The following SNX8 variants were observed in gnomAD, a reference collection of about 807,000 sequenced individuals.
The protein encoded by SNX8 is sorting nexin 8.
Under a neutral mutation model 51.6 loss-of-function variants are expected in SNX8, and 25 were observed. The observed-to-expected ratio is 0.48, with a 90% CI of 0.35 to 0.68. The LOEUF (loss-of-function observed/expected upper bound fraction) is 0.68, where lower values mean the gene tolerates loss of function less well. SNX8 is among the 30% of genes least tolerant of loss of function. SNX8 has a pLI of 0.00. For missense variants in SNX8, 695 were observed against 624.0 expected (o/e 1.11, Z -1.21); for synonymous variants, 324 against 277.0 (o/e 1.17, Z -1.68).
At chr7:2,341,798 C>A (rs61421694) in intron 1 of SNX8, among the ~76,000 whole-genome samples, 1 of 151,884 alleles carries the variant, frequency 6.6e-6, no homozygotes, top group Non-Finnish European at 1.5e-5. Flanking sequence ...ACCAGCCTGG[C>A]CAACATGGTG....
chr7:2,305,673 T>C (rs1432901492), intron 1 of SNX8, among the ~76,000 whole-genome samples: 1 of 151,846 alleles, frequency 6.6e-6, no homozygotes, highest in Admixed American at 6.6e-5. Context: ...CTGTATTGTA[T>C]TATTTTGTAT....
chr7:2,327,875 CT>C (rs1778655085), intron 1 of SNX8, among the ~76,000 whole-genome samples: 2 of 150,000 alleles, frequency 1.3e-5, no homozygotes, highest in Non-Finnish European at 1.5e-5. Context: ...CTTTTTTTTT[CT>C]TTTCGAAACA....
chr7:2,303,865 C>T (rs368678484), intron 1 of SNX8, among the ~76,000 whole-genome samples: 1 of 151,974 alleles, frequency 6.6e-6, no homozygotes, highest in African/African-American at 2.4e-5. Flanking sequence ...CCTTTGTTCA[C>T]GTGTTTATCT....
intron 1 of SNX8, among the ~76,000 whole-genome samples, chr7:2,353,149 C>T (rs550416890): frequency 2.0e-5 from 3 of 152,150 alleles, no homozygotes; most frequent in South Asian, 2.1e-4. Context: ...ATTAGCTGGG[C>T]ACGGTGGCAC....
chr7:2,347,407 G>C (rs1224745695), intron 1 of SNX8, among the ~76,000 whole-genome samples: 1 of 150,342 alleles, frequency 6.7e-6, no homozygotes, highest in African/African-American at 2.4e-5. Context: ...CTTGAACCTA[G>C]GAGGTGGAGA....
intron 1 of SNX8, chr7:2,354,053 C>G (rs1429458935): frequency 6.6e-6 from 1 of 152,580 alleles, no homozygotes; most frequent in African/African-American, 2.4e-5. Flanking sequence ...CAGCCTCGAG[C>G]TCCACGCGGC....
At chr7:2,276,164 A>G (rs1397759998) in intron 2 of SNX8, among the ~76,000 whole-genome samples, 1 of 152,140 alleles carries the variant, frequency 6.6e-6, no homozygotes, top group Non-Finnish European at 1.5e-5. Context: ...GTAAGACTGG[A>G]CAAAAGGCCA....
chr7:2,304,187 G>C (rs1325470605), intron 1 of SNX8, among the ~76,000 whole-genome samples: 1 of 145,098 alleles, frequency 6.9e-6, no homozygotes, highest in African/African-American at 2.5e-5. Context: ...AAAAAAGAGA[G>C]TTGGGGATCA....
chr7:2,322,087 A>G (rs1778529128), intron 1 of SNX8, among the ~76,000 whole-genome samples: 1 of 152,196 alleles, frequency 6.6e-6, no homozygotes, highest in Admixed American at 6.6e-5. Flanking sequence ...ACGATGGTTA[A>G]TCTGTTTTTT....
chr7:2,295,614 A>C (rs1040905286), intron 1 of SNX8, among the ~76,000 whole-genome samples: 2 of 136,530 alleles, frequency 1.5e-5, no homozygotes, highest in Non-Finnish European at 3.2e-5. Context: ...AAAAAAAAAA[A>C]AAAAGGAAAT....
At chr7:2,279,326 C>T (rs535509034) in intron 1 of SNX8, among the ~76,000 whole-genome samples, 3 of 145,970 alleles carry the variant, frequency 2.1e-5, no homozygotes, top group African/African-American at 5.1e-5. Context: ...ACGGAGTCGA[C>T]GCTGGACTCA....
In SNX8 at chr7:2,278,096, T is replaced by C. The variant is rs1795824168; in HGVS notation, c.300+4A>G. 6.2e-7 allele frequency: 1 copy of C among 1,612,104 alleles called. No homozygotes were observed. The highest frequency in any genetic ancestry group is 1.7e-5 in the Admixed American group (1 of 59,908). ...CCCCGACACACACACAATTTGCCAGTTACCTGGCTGGAAACCTCATACTCC... is the reference window on the plus strand; with the variant it reads ...CCCCGACACACACACAATTTGCCAGCTACCTGGCTGGAAACCTCATACTCC... On this transcript the variant is annotated splice_donor_region_variant and intron_variant, in intron 2 of 10. Coordinates refer to ENST00000222990, the MANE Select transcript of SNX8 (RefSeq NM_013321.4).
At chr7:2,257,612 C>G (rs1387172768) in intron 8 of SNX8, 98 bp from the exon 9 acceptor site, 1 of 1,566,200 alleles carries the variant, frequency 6.4e-7, no homozygotes, top group African/African-American at 1.3e-5. Flanking sequence ...ACGGAAGGCC[C>G]CGTCTTCCCC....
chr7:2,264,264 C>T (rs1360787715), intron 6 of SNX8, 34 bp downstream of exon 6: 11 of 1,590,720 alleles, frequency 6.9e-6, no homozygotes, highest in Admixed American at 1.7e-5. Context: ...CGTCCCACCG[C>T]GCGTGCCCCT....
In SNX8 at chr7:2,292,803, T is replaced by C. The variant is rs555434200; in HGVS notation, c.95-14498A>G. On this transcript the variant is annotated intron_variant, in intron 1 of 10. Transcript: ENST00000222990. ...GGGAGGTTGAGGTGAGAGGGTTTCC[T>C]CGAGGCTAGATTTGGACACCAGCCT... Among the ~76,000 whole-genome samples the C allele has an allele frequency of 4.6e-5, 7 of 152,106 alleles. 1 individual carries two copies. The South Asian group carries it at 1.5e-3, about 32-fold the overall frequency.
Position 2,257,784 on chromosome 7 carries a change from T to C in SNX8, c.935A>G (p.Asp312Gly), listed in dbSNP as rs1345825452. 1.2e-6 allele frequency: 2 copies of C among 1,613,986 alleles called. No homozygotes were observed. Among genetic ancestry groups the C allele is most frequent in the African/African-American group, 1.3e-5 (1 of 75,026 alleles). The change falls in exon 8 of 11, where the codon GAC becomes GGC. Residue 312 changes from aspartate to glycine, a missense_variant. Physicochemically the swap from Asp to Gly is moderately conservative, Grantham distance 94. Transcript: ENST00000222990. Reference sequence around the variant, plus strand: ...GAAGAGGTTCAGCTTCTCCACCACGTCGTTCTCTTCCTGCTTACCCTGGAA... The same window carrying C: ...GAAGAGGTTCAGCTTCTCCACCACGCCGTTCTCTTCCTGCTTACCCTGGAA... The part of the protein sequence containing the change: ...AAQQGKQEEN[D>G]VVEKLNLFLD...
At chr7:2,292,784 T>A (rs1183109641) in intron 1 of SNX8, among the ~76,000 whole-genome samples, 4 of 151,334 alleles carry the variant, frequency 2.6e-5, no homozygotes, top group Non-Finnish European at 5.9e-5. Flanking sequence ...ATTTGGGAGG[T>A]TGAGGTGAGA....
At chr7:2,354,441 TC>T (rs1243787501), upstream of SNX8, 1 of 152,192 alleles carries the variant, frequency 6.6e-6, no homozygotes, top group Non-Finnish European at 1.5e-5. Context: ...GAGTCTCCAC[TC>T]TTCCAGGGTA....
chr7:2,281,323 G>T (rs989909957), intron 1 of SNX8, among the ~76,000 whole-genome samples: 3 of 151,982 alleles, frequency 2.0e-5, no homozygotes, highest in African/African-American at 7.2e-5. Flanking sequence ...GGAGGCTGAG[G>T]CAGGAGGATT....
Sources: allele counts gnomAD v4.1 joint callset (sites outside exome capture counted in the v4.1 genomes callset), GRCh38; gene constraint gnomAD v4.1.1; transcripts MANE v1.5; gene names NCBI Gene and HGNC (gene_info 2026-07-23, HGNC 2026-07-21).